The following CDH13 variants were observed in gnomAD, a reference collection of about 807,000 sequenced individuals.
CDH13 encodes the protein cadherin 13, also known as cadherin-13.
CDH13 carries 24 observed loss-of-function variants against 63.8 expected under a neutral mutation model. That is an observed-to-expected ratio of 0.38 (90% CI 0.27 to 0.53). The LOEUF is 0.53. CDH13 is among the 20% of genes least tolerant of loss of function. CDH13 has a pLI of 0.85. For synonymous variants in CDH13, 503 were observed against 355.3 expected (o/e 1.42, Z -4.67); for missense variants, 1,049 against 903.1 (o/e 1.16, Z -2.07).
At chr16:83,078,688 G>C (rs1279672950) in intron 3 of CDH13, among the ~76,000 whole-genome samples, 1 of 152,238 alleles carries the variant, frequency 6.6e-6, no homozygotes, top group Non-Finnish European at 1.5e-5. Flanking sequence ...ATCTGGCACT[G>C]GTTGGTCCTC....
In CDH13 at chr16:83,780,050, A is replaced by C. The variant is rs776891507; in HGVS notation, c.1764A>C (p.Thr588=). 8.7e-6 allele frequency: 14 copies of C among 1,613,986 alleles called. 3 individuals carry two copies. In the South Asian group the frequency reaches 1.2e-4, roughly 14 times the overall value. ...ACAATGCCCCGTTCATTTACCCCAC[A>C]GTAGCTGAAGTCTGTGATGATGCCA... The part of the protein sequence containing the change: ...VNDNAPFIYP[T]VAEVCDDAKN... Residue 588 remains threonine, a synonymous_variant, in exon 12 of 14, where the codon ACA becomes ACC. Transcript: ENST00000567109.
At chr16:83,691,077 TGTGTG>T (rs1904820702) in intron 10 of CDH13, among the ~76,000 whole-genome samples, 1 of 3,380 alleles carries the variant, frequency 3.0e-4, no homozygotes, top group Non-Finnish European at 1.3e-3. Flanking sequence ...GTGCCGTGTG[TGTGTG>T]TGTGTGTGTG....
At chr16:83,417,994 A>T (rs1056051942) in intron 6 of CDH13, among the ~76,000 whole-genome samples, 1 of 152,140 alleles carries the variant, frequency 6.6e-6, no homozygotes, top group African/African-American at 2.4e-5. Context: ...AGCCCAGGGA[A>T]AATGTGTCTT....
At chr16:83,094,028 G>A (rs988971359) in intron 3 of CDH13, among the ~76,000 whole-genome samples, 3 of 152,184 alleles carry the variant, frequency 2.0e-5, no homozygotes, top group Middle Eastern at 3.4e-3. Context: ...GCAAAATTTG[G>A]GTAAAGAGGT....
chr16:83,318,748 C>G (rs763458018), intron 5 of CDH13, among the ~76,000 whole-genome samples: 1 of 152,122 alleles, frequency 6.6e-6, no homozygotes, highest in East Asian at 1.9e-4. Context: ...CTGCCAGGAA[C>G]AAATGGCGAG....
chr16:83,084,056 C>A (rs1024994894), intron 3 of CDH13, among the ~76,000 whole-genome samples: 1 of 152,188 alleles, frequency 6.6e-6, no homozygotes, highest in Non-Finnish European at 1.5e-5. Flanking sequence ...CATGAACTGG[C>A]AGAAGAGGCT....
intron 6 of CDH13, among the ~76,000 whole-genome samples, chr16:83,471,139 G>A (rs1002796448): frequency 2.0e-5 from 3 of 152,040 alleles, no homozygotes; most frequent in Non-Finnish European, 4.4e-5. Context: ...GATAATCTAG[G>A]ATAAGCCCCT....
intron 7 of CDH13, among the ~76,000 whole-genome samples, chr16:83,563,702 G>A (rs1473722366): frequency 6.6e-6 from 1 of 152,110 alleles, no homozygotes; most frequent in Admixed American, 6.5e-5. Context: ...AACACATACT[G>A]GACAAGACTT....
chr16:83,065,627 C>T (rs1597258750), intron 3 of CDH13, among the ~76,000 whole-genome samples: 1 of 151,932 alleles, frequency 6.6e-6, no homozygotes, highest in African/African-American at 2.4e-5. Flanking sequence ...ATCAGTTAAG[C>T]CCAGGGGGCA....
At chr16:83,078,390 C>A (rs957174530) in intron 3 of CDH13, among the ~76,000 whole-genome samples, 1 of 152,128 alleles carries the variant, frequency 6.6e-6, no homozygotes, top group Non-Finnish European at 1.5e-5. Flanking sequence ...CATAATCAGG[C>A]GTTTGTTAGA....
At chr16:82,675,855 T>C (rs1427869496) in intron 1 of CDH13, among the ~76,000 whole-genome samples, 1 of 152,138 alleles carries the variant, frequency 6.6e-6, no homozygotes, top group Non-Finnish European at 1.5e-5. Flanking sequence ...CCAAAAGAAA[T>C]GGGTATTGCT....
chr16:83,794,770 C>G (rs1353167713), intron 13 of CDH13, among the ~76,000 whole-genome samples: 1 of 152,066 alleles, frequency 6.6e-6, no homozygotes, highest in Non-Finnish European at 1.5e-5. Context: ...GTGGTAATAG[C>G]AGCTCTCGGT....
At chr16:83,015,629 G>A (rs1315624440) in intron 2 of CDH13, among the ~76,000 whole-genome samples, 1 of 134,724 alleles carries the variant, frequency 7.4e-6, no homozygotes, top group African/African-American at 2.7e-5. Flanking sequence ...ACAGTTGTGG[G>A]GACCATATGC....
chr16:83,102,876 G>A (rs1431708866), intron 3 of CDH13, among the ~76,000 whole-genome samples: 2 of 147,700 alleles, frequency 1.4e-5, no homozygotes, highest in African/African-American at 5.1e-5. Context: ...AACTGGAAGA[G>A]ACAGTGAATA....
chr16:82,997,134 GTGGTGATGATGGTGATGA>G (rs563228300), intron 2 of CDH13, among the ~76,000 whole-genome samples: 1 of 145,746 alleles, frequency 6.9e-6, no homozygotes, highest in South Asian at 2.1e-4. Flanking sequence ...GGTGGTGATG[GTGGTGATGATGGTGATGA>G]TGGTGATGAT....
chr16:82,707,815 G>A (rs2031610890), intron 1 of CDH13, among the ~76,000 whole-genome samples: 1 of 152,190 alleles, frequency 6.6e-6, no homozygotes, highest in Admixed American at 6.5e-5. Context: ...GGTATTCAAG[G>A]TTCTTTTGGT....
chr16:83,037,654 T>C (rs942680740), intron 3 of CDH13, among the ~76,000 whole-genome samples: 3 of 152,178 alleles, frequency 2.0e-5, no homozygotes, highest in Non-Finnish European at 4.4e-5. Context: ...GACATCTTTA[T>C]AGAGATGTCC....
At chr16:83,503,178 G>A (rs542594572) in intron 7 of CDH13, among the ~76,000 whole-genome samples, 1 of 152,190 alleles carries the variant, frequency 6.6e-6, no homozygotes, top group Non-Finnish European at 1.5e-5. Context: ...AATCGCTCAC[G>A]TAGATTCAAG....
intron 2 of CDH13, among the ~76,000 whole-genome samples, chr16:82,873,020 A>G (rs1049894900): frequency 6.6e-6 from 1 of 152,208 alleles, no homozygotes; most frequent in African/African-American, 2.4e-5. Flanking sequence ...GTTAAGTATC[A>G]TGAAGGAAAT....
Sources: allele counts gnomAD v4.1 joint callset (sites outside exome capture counted in the v4.1 genomes callset), GRCh38; gene constraint gnomAD v4.1.1; transcripts MANE v1.5; gene names NCBI Gene and HGNC (gene_info 2026-07-23, HGNC 2026-07-21).